The following PTPRC variants were observed in gnomAD, a reference collection of about 807,000 sequenced individuals.
The protein encoded by PTPRC is receptor-type tyrosine-protein phosphatase C.
A neutral mutation model predicts 155.9 loss-of-function variants in PTPRC; 44 were observed. The observed-to-expected ratio is 0.28, with a 90% CI of 0.22 to 0.36. The LOEUF (loss-of-function observed/expected upper bound fraction) is 0.36, where lower values mean the gene tolerates loss of function less well. PTPRC is among the 10% of genes least tolerant of loss of function. The probability of loss-of-function intolerance (pLI) is 1.00; values close to 1 mark genes in which losing one functional copy is unlikely to be tolerated. For missense variants in PTPRC, 1,401 were observed against 1,564.6 expected, an observed-to-expected ratio of 0.90 and a Z score of 1.76; for synonymous variants, 525 against 533.1, an observed-to-expected ratio of 0.98 and a Z score of 0.21.
rs1655441793 is a variant in PTPRC, at chr1:198,752,709, C to T, written c.3446C>T (p.Pro1149Leu). The change falls in exon 31 of 33, where the codon CCC (proline) becomes CTC (leucine). Residue 1149 changes from proline to leucine, a missense_variant. By Grantham distance (98) the Pro-to-Leu change is moderately conservative. Coordinates refer to ENST00000442510, the MANE Select transcript of PTPRC (RefSeq NM_002838.5). ...SMIQVVKQKL[P>L]QKNSSEGNKH... ...ATTCAGGTCGTCAAACAAAAACTTCCCCAGAAGAATTCCTCTGAAGGGAAC... is the reference window on the plus strand; with the variant it reads ...ATTCAGGTCGTCAAACAAAAACTTCTCCAGAAGAATTCCTCTGAAGGGAAC... The T allele has an allele frequency of 6.2e-7, 1 of 1,612,746 alleles. No individual in the cohort carries two copies. Among genetic ancestry groups the T allele is most frequent in the Admixed American group, 1.7e-5 (1 of 59,816 alleles).
chr1:198,645,605 G>A (rs1156864028), intron 2 of PTPRC, among the ~76,000 whole-genome samples: 2 of 151,646 alleles, frequency 1.3e-5, no homozygotes, highest in African/African-American at 4.8e-5. Context: ...GTGATACTCT[G>A]AGAAGTAAAT....
intron 3 of PTPRC, chr1:198,693,242 A>C (rs1001091924): frequency 2.7e-6 from 2 of 747,126 alleles, no homozygotes; most frequent in African/African-American, 1.9e-5. Context: ...TAGTAACAAA[A>C]ACACTTCTGA....
At chr1:198,750,699 C>T in intron 29 of PTPRC, 73 bp downstream of exon 29, 1 of 1,554,012 alleles carries the variant, frequency 6.4e-7, no homozygotes, top group Non-Finnish European at 8.9e-7. Flanking sequence ...GGATTGCTTG[C>T]TTCATCGCCA....
chr1:198,649,789 G>T (rs1362618265), intron 2 of PTPRC, among the ~76,000 whole-genome samples: 2 of 151,920 alleles, frequency 1.3e-5, no homozygotes, highest in Non-Finnish European at 2.9e-5. Context: ...AAAGAAAGCA[G>T]AAAGTGTAAC....
chr1:198,702,616 G>A, intron 6 of PTPRC, 86 bp downstream of exon 6: 1 of 1,543,362 alleles, frequency 6.5e-7, no homozygotes, highest in Non-Finnish European at 8.9e-7. Flanking sequence ...TTTATTTTGT[G>A]CCAGATATTA....
Position 198,706,657 on chromosome 1 carries a change from T to C in PTPRC, c.686-77T>C, listed in dbSNP as rs190543642. Reference sequence around the variant, plus strand: ...TTTTGGGGATATTTGGTTAGTTGATTTGATATTTTGGCATTTGCATTAATG... The same window carrying C: ...TTTTGGGGATATTTGGTTAGTTGATCTGATATTTTGGCATTTGCATTAATG... On this transcript the variant is annotated intron_variant, in intron 8 of 32. Transcript: ENST00000442510. 773 of 1,475,300 alleles carry C rather than the reference T, an allele frequency of 5.2e-4. 2 individuals are homozygous for C. Among genetic ancestry groups the C allele is most frequent in the South Asian group, 1.2e-3 (100 of 82,880 alleles). 91.4% of individuals were successfully genotyped at this position (1,475,300 alleles called of 1,614,324 possible). A position where few individuals can be genotyped will look rare whatever the true frequency, so the allele number is the denominator to read the frequency against.
intron 27 of PTPRC, among the ~76,000 whole-genome samples, chr1:198,748,507 C>A (rs771704374): frequency 3.3e-5 from 5 of 151,578 alleles, no homozygotes; most frequent in Non-Finnish European, 7.4e-5. Flanking sequence ...TCTCTTTTAC[C>A]CATTTTCTTT....
At chr1:198,729,229 T>TTTTATTTA (rs138335258) in intron 17 of PTPRC, 58 bp downstream of exon 17, 1 of 1,491,852 alleles carries the variant, frequency 6.7e-7, no homozygotes, top group African/African-American at 1.4e-5. Context: ...AATCCATTCA[T>TTTTATTTA]TTTATTTATT....
chr1:198,676,144 T>G (rs188831691), intron 2 of PTPRC, among the ~76,000 whole-genome samples: 8 of 152,364 alleles, frequency 5.3e-5, no homozygotes, highest in African/African-American at 1.9e-4. Flanking sequence ...TTTTATTTAA[T>G]TCAATACATG....
At chr1:198,725,587 T>G (rs970529975) in intron 15 of PTPRC, among the ~76,000 whole-genome samples, 1 of 152,208 alleles carries the variant, frequency 6.6e-6, no homozygotes. Context: ...TCCTCCTAAT[T>G]TTAGTCCTGT....
chr1:198,752,487 T>G (rs766666719), intron 30 of PTPRC, 107 bp from the exon 31 acceptor site: 15 of 1,521,306 alleles, frequency 9.9e-6, no homozygotes, highest in Non-Finnish European at 1.3e-5. Context: ...CAGAATAACA[T>G]TTTAAAATTA....
At chr1:198,650,514 TC>T (rs1663189334) in intron 2 of PTPRC, among the ~76,000 whole-genome samples, 1 of 151,946 alleles carries the variant, frequency 6.6e-6, no homozygotes, top group South Asian at 2.1e-4. Flanking sequence ...TGACTTTTTT[TC>T]CCCATGAGCA....
intron 23 of PTPRC, among the ~76,000 whole-genome samples, chr1:198,738,144 G>A (rs1654733945): frequency 6.6e-6 from 1 of 151,692 alleles, no homozygotes; most frequent in East Asian, 1.9e-4. Context: ...TGGATGCCTT[G>A]TGTTTCTTTC....
At position 198,660,030 on chromosome 1, in the gene PTPRC, C is replaced by CATATATATATAT. The variant is rs34796231; in HGVS notation, c.73+20716_73+20727dup. On this transcript the variant is annotated intron_variant, in intron 2 of 32. Transcript: ENST00000442510. ...AGATATATTTGTCCATATATATGTC[C>CATATATATATAT]ATATATATATATATATATATATATA... is the stretch of plus-strand genomic sequence containing the variant. 3.2e-4 allele frequency among the ~76,000 whole-genome samples: 37 copies of CATATATATATAT among 115,902 alleles called. 1 individual carries two copies. The highest frequency in any genetic ancestry group is 6.3e-4 in the African/African-American group (19 of 30,038). 76.0% of individuals were successfully genotyped at this position (115,902 alleles called of 152,430 possible). A position where few individuals can be genotyped will look rare whatever the true frequency, so the allele number is the denominator to read the frequency against.
chr1:198,643,571 C>A (rs536851204), intron 2 of PTPRC, among the ~76,000 whole-genome samples: 1 of 151,636 alleles, frequency 6.6e-6, no homozygotes, highest in African/African-American at 2.4e-5. Context: ...TTCTTTGCTC[C>A]CTTTCTTACT....
chr1:198,672,468 T>C (rs1337714600), intron 2 of PTPRC, among the ~76,000 whole-genome samples: 1 of 152,100 alleles, frequency 6.6e-6, no homozygotes, highest in Non-Finnish European at 1.5e-5. Context: ...TGTTGTTTTT[T>C]GTTTGGTTTG....
At chr1:198,638,953 C>T (rs1424227035), upstream of PTPRC, 2 of 321,380 alleles carry the variant, frequency 6.2e-6, no homozygotes, top group Non-Finnish European at 1.2e-5. Context: ...AAGTGCAATG[C>T]CATTCTACTG....
rs550554452 is a variant in PTPRC at position 198,744,005 on chromosome 1, G to A, written c.2698-49G>A. 28 of 1,523,592 alleles carry A rather than the reference G, an allele frequency of 1.8e-5. 1 individual carries two copies. In the South Asian group the frequency reaches 2.9e-4, roughly 16 times the overall value. 94.4% of individuals were successfully genotyped at this position (1,523,592 alleles called of 1,614,324 possible). A position where few individuals can be genotyped will look rare whatever the true frequency, so the allele number is the denominator to read the frequency against. ...ATATTTTATTTAAATATGACTTGGA[G>A]GACTCTAGATTATCAGTTAACTATC... On this transcript the variant is annotated intron_variant, in intron 25 of 32. Transcript: ENST00000442510.
At chr1:198,736,362 C>T (rs1185477873) in intron 23 of PTPRC, among the ~76,000 whole-genome samples, 1 of 151,600 alleles carries the variant, frequency 6.6e-6, no homozygotes, top group African/African-American at 2.4e-5. Flanking sequence ...CCTTTGGTAA[C>T]CATCATTCTA....
Sources: gnomAD v4.1 joint callset for allele counts (sites outside exome capture counted in the v4.1 genomes callset) on GRCh38, gnomAD v4.1.1 for gene constraint, MANE v1.5 for transcripts, NCBI Gene and HGNC (gene_info 2026-07-23, HGNC 2026-07-21) for gene names.